Variants in LITAF observed in about 807,000 individuals in gnomAD.
LITAF encodes the protein lipopolysaccharide induced TNF factor, also known as lipopolysaccharide-induced tumor necrosis factor-alpha factor.
Under a neutral mutation model 14.5 loss-of-function variants are expected in LITAF, and 9 were observed. That is an observed-to-expected ratio of 0.62 (90% CI 0.37 to 1.08). LITAF has a LOEUF of 1.08. LITAF is among the 50% of genes least tolerant of loss of function. The probability of loss-of-function intolerance (pLI) is 0.01; values close to 1 mark genes in which losing one functional copy is unlikely to be tolerated. For missense variants in LITAF, 206 were observed against 213.4 expected, an observed-to-expected ratio of 0.97 and a Z score of 0.22; for synonymous variants, 98 against 88.2, an observed-to-expected ratio of 1.11 and a Z score of -0.62.
chr16:11,605,005 G>C lies in LITAF; in HGVS notation c.85+28528C>G, dbSNP rs1321300206. 1.3e-5 allele frequency among the ~76,000 whole-genome samples: 2 copies of C among 152,150 alleles called. No homozygotes were observed. Among genetic ancestry groups the C allele is most frequent in the African/African-American group, 4.8e-5 (2 of 41,432 alleles). ...CTGTGTCGGGAAGTTGGAGCAATGC[G>C]GGAAAGAACGGAACTTCCTTGCCTA... On this transcript the variant is annotated intron_variant, in intron 3 of 3. Transcript: ENST00000574848. This position sits in a 1 kb window ranked among gnomAD's most constrained non-coding sequence, Gnocchi z 4.7.
intron 3 of LITAF, among the ~76,000 whole-genome samples, chr16:11,631,915 T>A (rs968694917): frequency 1.3e-5 from 2 of 149,530 alleles, no homozygotes; most frequent in Non-Finnish European, 3.0e-5. Flanking sequence ...AACAGCACAA[T>A]CTCAGCTCAC....
At chr16:11,628,431 G>A (rs1211810109) in intron 3 of LITAF, among the ~76,000 whole-genome samples, 3 of 152,186 alleles carry the variant, frequency 2.0e-5, no homozygotes, top group Admixed American at 6.5e-5. Context: ...GGAGACATCC[G>A]GAGATCTTGC....
At chr16:11,600,777 G>T (rs1319172069), upstream of LITAF, among the ~76,000 whole-genome samples, 1 of 152,032 alleles carries the variant, frequency 6.6e-6, no homozygotes, top group Non-Finnish European at 1.5e-5. This position sits in a 1 kb window ranked among gnomAD's most constrained non-coding sequence, Gnocchi z 4.1. Flanking sequence ...CTTCAGGTAG[G>T]GGCACCAACC....
At chr16:11,583,917 C>T (rs2064773664) in intron 1 of LITAF, among the ~76,000 whole-genome samples, 1 of 152,198 alleles carries the variant, frequency 6.6e-6, no homozygotes. Context: ...TATGAAATTA[C>T]ACAATTCTTC....
chr16:11,574,587 G>A (rs1369291435), intron 1 of LITAF, among the ~76,000 whole-genome samples: 3 of 151,958 alleles, frequency 2.0e-5, no homozygotes, highest in African/African-American at 7.3e-5. Context: ...GCCCTCCCCA[G>A]GCCTCCATCC....
At position 11,549,803 on chromosome 16, in the gene LITAF, G is replaced by T. The variant is rs2064157762; in HGVS notation, c.378-58C>A. The stretch of plus-strand genomic sequence containing the variant: ...ACTGATCACAACAGGGTGAACACTG[G>T]CTGCCAAAACCATGTTCATGTCCTT... On this transcript the variant is annotated intron_variant, in intron 3 of 3. Coordinates refer to ENST00000622633, the MANE Select transcript of LITAF (RefSeq NM_001136472.2). The surrounding 1 kb of genome is among the most constrained non-coding windows in gnomAD (Gnocchi z 4.6). The T allele has an allele frequency of 7.3e-7, 1 of 1,364,844 alleles. No homozygotes were observed. The highest frequency in any genetic ancestry group is 1.0e-6 in the Non-Finnish European group (1 of 969,176). The allele number at this position is 1,364,844 out of a possible 1,614,324, so 84.5% of individuals were successfully genotyped here.
At chr16:11,573,591 GT>G (rs2064580310) in intron 1 of LITAF, among the ~76,000 whole-genome samples, 1 of 151,630 alleles carries the variant, frequency 6.6e-6, no homozygotes, top group Non-Finnish European at 1.5e-5. Flanking sequence ...ACGAGGAAGA[GT>G]TTTATTTGGA....
intron 3 of LITAF, among the ~76,000 whole-genome samples, chr16:11,619,226 G>A (rs545851553): frequency 1.0e-3 from 157 of 151,694 alleles, no homozygotes; most frequent in Admixed American, 5.4e-3. Context: ...GAGGAGAGTC[G>A]TTTGAACCTG....
chr16:11,560,880 C>A (rs868403100), intron 1 of LITAF, among the ~76,000 whole-genome samples: 2 of 152,144 alleles, frequency 1.3e-5, no homozygotes, highest in Non-Finnish European at 2.9e-5. Flanking sequence ...TGGTTTGAGG[C>A]GTGTTGCTAG....
intron 2 of LITAF, among the ~76,000 whole-genome samples, chr16:11,635,286 A>G (rs1392180189): frequency 6.6e-6 from 1 of 152,218 alleles, no homozygotes; most frequent in African/African-American, 2.4e-5. Context: ...GCTTGCATAG[A>G]CACACACGCA....
chr16:11,614,287 CTTTT>C (rs2065003072), intron 3 of LITAF, among the ~76,000 whole-genome samples: 1 of 145,820 alleles, frequency 6.9e-6, no homozygotes, highest in Admixed American at 7.0e-5. Flanking sequence ...CCTCTTCTTT[CTTTT>C]TCTTTTCTTT....
intron 1 of LITAF, among the ~76,000 whole-genome samples, chr16:11,578,330 G>GGT (rs1232271338): frequency 2.6e-5 from 4 of 152,184 alleles, no homozygotes; most frequent in African/African-American, 9.6e-5. Context: ...GGCCAAGGCG[G>GGT]GTGGATCACC....
chr16:11,617,338 G>GC (rs1250573298), intron 3 of LITAF, among the ~76,000 whole-genome samples: 2 of 151,908 alleles, frequency 1.3e-5, no homozygotes, highest in African/African-American at 4.8e-5. Context: ...CCAGGGTAAG[G>GC]CTGCCCAGGC....
At chr16:11,607,073 T>C (rs1038290697) in intron 3 of LITAF, among the ~76,000 whole-genome samples, 2 of 152,176 alleles carry the variant, frequency 1.3e-5, no homozygotes, top group African/African-American at 2.4e-5. Context: ...TAAATCCACA[T>C]CCTCACCCCA....
intron 1 of LITAF, among the ~76,000 whole-genome samples, chr16:11,580,812 G>A (rs953131359): frequency 5.3e-5 from 8 of 151,954 alleles, no homozygotes; most frequent in East Asian, 3.9e-4. Flanking sequence ...TCACTCAGGC[G>A]GGAGTGCGGT....
At chr16:11,619,890 G>A (rs1245014803) in intron 3 of LITAF, among the ~76,000 whole-genome samples, 4 of 152,078 alleles carry the variant, frequency 2.6e-5, no homozygotes, top group African/African-American at 9.7e-5. Flanking sequence ...ATCTGCGGAC[G>A]GGTGCAGTGG....
At chr16:11,604,055 C>T (rs987401071) in intron 3 of LITAF, among the ~76,000 whole-genome samples, 3 of 152,050 alleles carry the variant, frequency 2.0e-5, no homozygotes, top group East Asian at 3.9e-4. Context: ...AGAGGCTGGG[C>T]GTGGTGACTC....
At chr16:11,613,165 G>A (rs931719986) in intron 3 of LITAF, among the ~76,000 whole-genome samples, 4 of 152,094 alleles carry the variant, frequency 2.6e-5, no homozygotes, top group East Asian at 1.9e-4. Flanking sequence ...TCATCCTCCC[G>A]AGTAGCTGGG....
chr16:11,602,329 C>T (rs535273038), upstream of LITAF, among the ~76,000 whole-genome samples: 1 of 152,120 alleles, frequency 6.6e-6, no homozygotes, highest in Admixed American at 6.6e-5. Flanking sequence ...GCACTCCAGC[C>T]TGGGTGATAG....
Sources: gnomAD v4.1 joint callset for allele counts (sites outside exome capture counted in the v4.1 genomes callset) on GRCh38, gnomAD v4.1.1 for gene constraint, Gnocchi (gnomAD v3.1) non-coding constraint, MANE v1.5 for transcripts, NCBI Gene and HGNC (gene_info 2026-07-23, HGNC 2026-07-21) for gene names.